Variants in ZNF723 observed in about 807,000 individuals in gnomAD.
The protein encoded by ZNF723 is zinc finger protein 723.
In ZNF723, 5 loss-of-function variants were observed where a neutral mutation model predicts 9.4. That is an observed-to-expected ratio of 0.53 (90% CI 0.28 to 1.12). The LOEUF (loss-of-function observed/expected upper bound fraction) is 1.12. Ranked by LOEUF, ZNF723 falls within the 50% of genes most tolerant of loss-of-function variation. The pLI is 0.10. For missense variants in ZNF723, 450 were observed against 501.5 expected, an observed-to-expected ratio of 0.90 and a Z score of 0.98; for synonymous variants, 158 against 168.8, an observed-to-expected ratio of 0.94 and a Z score of 0.49.
upstream of ZNF723, among the ~76,000 whole-genome samples, chr19:22,828,050 A>G (rs1304410713): frequency 6.6e-6 from 1 of 152,136 alleles, no homozygotes; most frequent in Non-Finnish European, 1.5e-5. Flanking sequence ...TTTGCACTCC[A>G]GCCAGGGCAA....
the ZNF723 span, among the ~76,000 whole-genome samples, chr19:22,820,453 T>A: frequency 1.3e-5 from 2 of 152,256 alleles, no homozygotes; most frequent in South Asian, 4.1e-4. Flanking sequence ...GGGTCCCTTC[T>A]CTCAGAGAAT....
the ZNF723 span, among the ~76,000 whole-genome samples, chr19:22,815,927 C>T: frequency 1.1e-4 from 16 of 152,310 alleles, no homozygotes; most frequent in East Asian, 2.3e-3. Context: ...GAATTTCACA[C>T]GTTGACACAG....
rs529502585 is a variant in ZNF723 at position 22,832,305 on chromosome 19, G to A, written c.-75G>A. ...TTTGGCGCGGCCTTTTGAGTTCCTG[G>A]TCTCTGTGGCCTCCTGACCTACATG... On this transcript the variant is annotated 5_prime_UTR_variant, in exon 1 of 4. Coordinates refer to ENST00000600766, the MANE Select transcript of ZNF723 (RefSeq NM_001349726.2). 3 of 1,302,202 alleles carry A rather than the reference G, an allele frequency of 2.3e-6. No individual in the cohort carries two copies. In the African/African-American group the frequency reaches 4.4e-5, roughly 19 times the overall value. 80.7% of individuals were successfully genotyped at this position (1,302,202 alleles called of 1,614,324 possible).
intron 1 of ZNF723, among the ~76,000 whole-genome samples, chr19:22,833,059 A>G (rs914697682): frequency 2.6e-5 from 4 of 152,210 alleles, no homozygotes; most frequent in African/African-American, 9.6e-5. Flanking sequence ...TTTTTTAAAA[A>G]TAAATAAATG....
At chr19:22,845,326 T>C (rs1316488813) in intron 1 of ZNF723, among the ~76,000 whole-genome samples, 2 of 152,340 alleles carry the variant, frequency 1.3e-5, no homozygotes, top group South Asian at 4.1e-4. Flanking sequence ...ATTACTTAGA[T>C]GTGGATACTC....
At chr19:22,827,199 T>A in the ZNF723 span, among the ~76,000 whole-genome samples, 1 of 152,228 alleles carries the variant, frequency 6.6e-6, no homozygotes. Flanking sequence ...ATAATAGAAT[T>A]TCTTTTGATT....
chr19:22,843,477 G>A (rs575383163), intron 1 of ZNF723, among the ~76,000 whole-genome samples: 2 of 152,296 alleles, frequency 1.3e-5, no homozygotes, highest in East Asian at 3.9e-4. Flanking sequence ...AAAACAACCA[G>A]GATGTCTGGA....
At position 22,854,469 on chromosome 19, in the gene ZNF723, T is replaced by C. The variant is rs937319347; in HGVS notation, c.227-2649T>C. Among the ~76,000 whole-genome samples the C allele has an allele frequency of 1.1e-4, 17 of 152,182 alleles. No homozygotes were observed. The East Asian group carries it at 3.1e-3, about 28-fold the overall frequency. On this transcript the variant is annotated intron_variant, in intron 3 of 3. Transcript: ENST00000600766. ...TAAATAAATCCTTTTATTGAAAATA[T>C]GTCTCTTGATTGGAAAATTAATTGT...
chr19:22,840,284 G>C (rs1049835500), intron 1 of ZNF723: 3 of 151,584 alleles, frequency 2.0e-5, no homozygotes, highest in African/African-American at 7.3e-5. Context: ...TGATTCTCCT[G>C]CCTCAGCCTC....
intron 1 of ZNF723, among the ~76,000 whole-genome samples, chr19:22,841,173 AGT>A: frequency 6.6e-6 from 1 of 152,330 alleles, no homozygotes; most frequent in South Asian, 2.1e-4. Context: ...TCTGTAGGAG[AGT>A]GGGAGCCTAC....
the ZNF723 span, among the ~76,000 whole-genome samples, chr19:22,824,182 A>G: frequency 6.6e-6 from 1 of 152,094 alleles, no homozygotes; most frequent in African/African-American, 2.4e-5. Context: ...TAATGCAACA[A>G]TCCTCTCTTG....
In ZNF723 at chr19:22,857,490, G is replaced by A; in HGVS notation, c.599G>A (p.Cys200Tyr). 1 of 1,154,974 alleles carries A rather than the reference G, an allele frequency of 8.7e-7. No individual in the cohort carries two copies. The highest frequency in any genetic ancestry group is 1.2e-5 in the South Asian group (1 of 80,642). The allele number at this position is 1,154,974 out of a possible 1,614,324, so 71.5% of individuals were successfully genotyped here. Residue 200 changes from cysteine to tyrosine, a missense_variant, in exon 4 of 4, where the codon TGT becomes TAT. Cys to Tyr is a radical substitution (Grantham distance 194). Around this residue, in one of 5 missense-constraint regions of ZNF723, gnomAD observed 143 missense variants for 101.3 expected, o/e 1.41. Transcript: ENST00000600766. ...GAAAGAAATCATACTAGAGTGAATT[G>A]TTACAAATGTGAAGAATGTGGCAAA... is the stretch of plus-strand genomic sequence containing the variant. The part of the protein sequence containing the change: ...KHERNHTRVN[C>Y]YKCEECGKAF...
In ZNF723 at chr19:22,852,456, A is replaced by G. The variant is rs572676001; in HGVS notation, c.226+3163A>G. ...ATAGTTATGTTTGTTTCCCTGTATA[A>G]ATATTATCTCTATCTTTTATGACTG... On this transcript the variant is annotated intron_variant, in intron 3 of 3. Coordinates refer to ENST00000600766, the MANE Select transcript of ZNF723 (RefSeq NM_001349726.2). 2.8e-4 allele frequency among the ~76,000 whole-genome samples: 42 copies of G among 152,112 alleles called. No individual in the cohort carries two copies. The South Asian group carries it at 6.2e-3, about 23-fold the overall frequency.
chr19:22,837,167 G>A (rs190666014), intron 1 of ZNF723, among the ~76,000 whole-genome samples: 2 of 151,644 alleles, frequency 1.3e-5, no homozygotes, highest in Admixed American at 1.3e-4. Context: ...GTGGTGTGTG[G>A]CTGTAATCCC....
the ZNF723 span, among the ~76,000 whole-genome samples, chr19:22,819,008 G>A: frequency 1.3e-5 from 2 of 152,120 alleles, no homozygotes; most frequent in Non-Finnish European, 2.9e-5. Context: ...CTGCTCATCA[G>A]AGGGATTTTG....
the ZNF723 span, among the ~76,000 whole-genome samples, chr19:22,825,898 C>T: frequency 6.6e-6 from 1 of 152,248 alleles, no homozygotes; most frequent in African/African-American, 2.4e-5. Flanking sequence ...TAATGTGACT[C>T]TCCTCTCCTG....
At chr19:22,839,831 G>A (rs1967217902) in intron 1 of ZNF723, among the ~76,000 whole-genome samples, 1 of 152,056 alleles carries the variant, frequency 6.6e-6, no homozygotes, top group Non-Finnish European at 1.5e-5. Flanking sequence ...GTGTGAGAAG[G>A]TATCTCATTG....
chr19:22,832,435 G>T, intron 1 of ZNF723, 53 bp downstream of exon 1: 3 of 1,353,372 alleles, frequency 2.2e-6, no homozygotes, highest in Non-Finnish European at 3.1e-6. Context: ...GGTTGGAACC[G>T]GTGGGAAGTG....
intron 1 of ZNF723, 131 bp downstream of exon 1, chr19:22,832,513 C>T (rs1440311564): frequency 2.0e-6 from 2 of 1,023,452 alleles, no homozygotes; most frequent in Admixed American, 3.9e-5. Context: ...TAGCCTGGCC[C>T]GGCCTCAGAC....
Sources: gnomAD v4.1 joint callset for allele counts (sites outside exome capture counted in the v4.1 genomes callset) on GRCh38, gnomAD v4.1.1 for gene constraint, gnomAD v4.1.1 regional missense constraint, MANE v1.5 for transcripts, NCBI Gene and HGNC (gene_info 2026-07-23, HGNC 2026-07-21) for gene names.